The following CDH3 variants were observed in gnomAD, a reference collection of about 807,000 sequenced individuals.
CDH3 encodes cadherin 3.
A neutral mutation model predicts 82.0 loss-of-function variants in CDH3; 54 were observed. The observed-to-expected ratio is 0.66, with a 90% CI of 0.53 to 0.83. The LOEUF (loss-of-function observed/expected upper bound fraction) is 0.83, where lower values mean the gene tolerates loss of function less well. CDH3 is among the 40% of genes least tolerant of loss of function. The pLI is 0.00. For synonymous variants in CDH3, 446 were observed against 437.9 expected (o/e 1.02, Z -0.23); for missense variants, 1,054 against 1,084.6 (o/e 0.97, Z 0.40).
chr16:68,650,507 G>A (rs1317261112), intron 2 of CDH3, among the ~76,000 whole-genome samples: 1 of 152,110 alleles, frequency 6.6e-6, no homozygotes, highest in Non-Finnish European at 1.5e-5. Flanking sequence ...TATCATGTTG[G>A]TCAGGCTGGT....
At chr16:68,655,985 A>G (rs1337211383) in intron 2 of CDH3, among the ~76,000 whole-genome samples, 1 of 152,166 alleles carries the variant, frequency 6.6e-6, no homozygotes, top group African/African-American at 2.4e-5. Context: ...GCAGCCAAGG[A>G]AGAAGAATTA....
chr16:68,731,368 CAAAAAAAAAAAAAAAAAAA>C (rs869074059), downstream of CDH3, among the ~76,000 whole-genome samples: 16 of 2,266 alleles, frequency 7.1e-3, no homozygotes, highest in Admixed American at 0.022. Context: ...AACTCCGTCT[CAAAAAAAAAAAAAAAAAAA>C]AAAAAAAAAT....
At chr16:68,728,825 A>C (rs1962254797), downstream of CDH3, among the ~76,000 whole-genome samples, 1 of 152,162 alleles carries the variant, frequency 6.6e-6, no homozygotes, top group Admixed American at 6.6e-5. Context: ...CCTGAAAGTG[A>C]ATCAGCAAGA....
At chr16:68,686,511 C>A (rs528830347) in intron 11 of CDH3, 1 of 1,125,024 alleles carries the variant, frequency 8.9e-7, no homozygotes, top group African/African-American at 1.5e-5. Context: ...ATTGCAGCAA[C>A]AGTAGTTGCT....
At chr16:68,654,498 T>G (rs1960354170) in intron 2 of CDH3, among the ~76,000 whole-genome samples, 1 of 123,844 alleles carries the variant, frequency 8.1e-6, no homozygotes, top group Non-Finnish European at 1.6e-5. Context: ...AGGTCAAGAG[T>G]TCGAGACCAG....
intron 1 of CDH3, among the ~76,000 whole-genome samples, chr16:68,722,140 G>A (rs534729222): frequency 6.6e-6 from 1 of 152,176 alleles, no homozygotes; most frequent in Non-Finnish European, 1.5e-5. Flanking sequence ...GCTCTGGGTT[G>A]TAAATCCTTG....
chr16:68,718,056 C>A (rs903495260), intron 1 of CDH3, among the ~76,000 whole-genome samples: 1 of 152,022 alleles, frequency 6.6e-6, no homozygotes, highest in Non-Finnish European at 1.5e-5. Context: ...GTTGCCCAGA[C>A]TGGAGTGCAG....
At chr16:68,719,114 C>T (rs867207122) in intron 1 of CDH3, among the ~76,000 whole-genome samples, 1 of 151,564 alleles carries the variant, frequency 6.6e-6, no homozygotes, top group East Asian at 2.0e-4. Flanking sequence ...TGGTGGTGCA[C>T]GCCTGTAATC....
At chr16:68,702,225 C>G (rs1274245757), downstream of CDH3, among the ~76,000 whole-genome samples, 2 of 152,080 alleles carry the variant, frequency 1.3e-5, no homozygotes, top group Non-Finnish European at 2.9e-5. Context: ...CTTTTCATAA[C>G]ATGGCATATT....
chr16:68,712,065 T>G (rs569825063), intron 1 of CDH3, among the ~76,000 whole-genome samples: 1 of 124,220 alleles, frequency 8.1e-6, no homozygotes, highest in Non-Finnish European at 1.6e-5. Context: ...TGAGACAGAC[T>G]CTCGCGATGT....
At chr16:68,653,677 CTTTTCTTTTCTTTCTTTT>C (rs1254274255) in intron 2 of CDH3, among the ~76,000 whole-genome samples, 1 of 150,078 alleles carries the variant, frequency 6.7e-6, no homozygotes, top group Non-Finnish European at 1.5e-5. Context: ...AATTTCTTTT[CTTTTCTTTTCTTTCTTTT>C]TTTTTTTTTT....
rs776938906 is a variant in CDH3 at position 68,656,427 on chromosome 16, G to A, written c.160+10677G>A. Among the ~76,000 whole-genome samples the A allele has an allele frequency of 9.2e-5, 14 of 152,232 alleles. No homozygotes were observed. The South Asian group carries it at 2.9e-3, about 32-fold the overall frequency. On this transcript the variant is annotated intron_variant, in intron 2 of 15. Coordinates refer to ENST00000264012, the MANE Select transcript of CDH3 (RefSeq NM_001793.6). ...CCCAGGCAGCAGGGCTGGCAAGGAAGGGCTGTGAAAACTCACCACCACCAC... is the reference window on the plus strand; with the variant it reads ...CCCAGGCAGCAGGGCTGGCAAGGAAAGGCTGTGAAAACTCACCACCACCAC...
chr16:68,651,398 T>G (rs1567435853), intron 2 of CDH3: 3 of 526,286 alleles, frequency 5.7e-6, no homozygotes, highest in African/African-American at 2.0e-5. Flanking sequence ...GATGCCTCCT[T>G]GTGCCGTACA....
At chr16:68,660,965 T>G (rs1301366381) in intron 2 of CDH3, among the ~76,000 whole-genome samples, 1 of 101,006 alleles carries the variant, frequency 9.9e-6, no homozygotes, top group East Asian at 3.7e-4. Flanking sequence ...AGACTCCGTC[T>G]CAAAAAAAAA....
intron 2 of CDH3, among the ~76,000 whole-genome samples, chr16:68,658,559 C>T (rs1960470563): frequency 6.6e-6 from 1 of 152,104 alleles, no homozygotes; most frequent in Non-Finnish European, 1.5e-5. Flanking sequence ...GGCTGACTGC[C>T]TTCTGAGCGG....
chr16:68,670,596 A>G (rs1002009596), intron 2 of CDH3, among the ~76,000 whole-genome samples: 1 of 152,178 alleles, frequency 6.6e-6, no homozygotes, highest in Non-Finnish European at 1.5e-5. Context: ...AGCTGGGACT[A>G]CATCATGGTT....
Position 68,698,651 on chromosome 16 carries a change from T to G in CDH3, c.*251T>G. 1 of 550,918 alleles carries G rather than the reference T, an allele frequency of 1.8e-6. No homozygotes were observed. The highest frequency in any genetic ancestry group is 3.3e-6 in the Non-Finnish European group (1 of 307,582). The allele number at this position is 550,918 out of a possible 1,614,324, so 34.1% of individuals were successfully genotyped here. ...CCAGGGTTGCCTCAGAGGCCAAGTT[T>G]CCAGAAGCCTCTTACCTGCCGTAAA... On this transcript the variant is annotated 3_prime_UTR_variant, in exon 16 of 16. Coordinates refer to ENST00000264012, the MANE Select transcript of CDH3 (RefSeq NM_001793.6).
At chr16:68,651,529 T>G in intron 2 of CDH3, 1 of 498,130 alleles carries the variant, frequency 2.0e-6, no homozygotes, top group Middle Eastern at 6.3e-4. Context: ...TACCTGACAC[T>G]GATGTCCACC....
downstream of CDH3, among the ~76,000 whole-genome samples, chr16:68,731,452 G>A (rs56252857): frequency 0.18 from 1,146 of 6,322 alleles, 300 homozygotes; most frequent in Non-Finnish European, 0.27. Flanking sequence ...ACACACACAC[G>A]TATATACACA....
Sources: allele counts gnomAD v4.1 joint callset (sites outside exome capture counted in the v4.1 genomes callset), GRCh38; gene constraint gnomAD v4.1.1; transcripts MANE v1.5; gene names NCBI Gene and HGNC (gene_info 2026-07-23, HGNC 2026-07-21).